The following SMAD2 variants were observed in gnomAD, a reference collection of about 807,000 sequenced individuals.
SMAD2 encodes SMAD family member 2, also known as MAD homolog 2.
SMAD2 carries 8 observed loss-of-function variants against 64.4 expected under a neutral mutation model. The ratio of observed to expected loss-of-function variants is 0.12; its 90% CI spans 0.07 to 0.22. The LOEUF (loss-of-function observed/expected upper bound fraction) is 0.22, where lower values mean the gene tolerates loss of function less well. SMAD2 is among the 10% of genes least tolerant of loss of function. The pLI is 1.00. For synonymous variants in SMAD2, 203 were observed against 195.8 expected, an observed-to-expected ratio of 1.04 and a Z score of -0.31; for missense variants, 289 against 561.2, an observed-to-expected ratio of 0.51 and a Z score of 4.90.
rs1324866548 is a variant in SMAD2, at chr18:47,862,261, T to G, written c.730+2798A>C. Among the ~76,000 whole-genome samples, 3 of 152,248 alleles carry G rather than the reference T, an allele frequency of 2.0e-5. No homozygotes were observed. The South Asian group carries it at 6.2e-4, about 31-fold the overall frequency. Reference sequence around the variant, plus strand: ...ATATTAGTAGGATACTCTCAAAATCTTAATACTCACTGTATTAGCTTCCTA... The same window carrying G: ...ATATTAGTAGGATACTCTCAAAATCGTAATACTCACTGTATTAGCTTCCTA... On this transcript the variant is annotated intron_variant, in intron 6 of 10. Transcript: ENST00000262160.
Position 47,837,900 on chromosome 18 carries a change from G to A in SMAD2, c.*3927C>T, listed in dbSNP as rs1056405029. 2 of 232,618 alleles carry A rather than the reference G, an allele frequency of 8.6e-6. No individual in the cohort carries two copies. The highest frequency in any genetic ancestry group is 1.7e-5 in the Non-Finnish European group (2 of 117,524). 14.4% of individuals were successfully genotyped at this position (232,618 alleles called of 1,614,324 possible). A position where few individuals can be genotyped will look rare whatever the true frequency, so the allele number is the denominator to read the frequency against. ...CATGAAGACATATTTTATGTACAGT[G>A]AAGATTGTCTTGTGTTACTTTATAT... On this transcript the variant is annotated 3_prime_UTR_variant, in exon 11 of 11. Coordinates refer to ENST00000262160, the MANE Select transcript of SMAD2 (RefSeq NM_005901.6).
intron 2 of SMAD2, among the ~76,000 whole-genome samples, chr18:47,885,293 A>G (rs1008448176): frequency 4.6e-5 from 7 of 151,898 alleles, no homozygotes; most frequent in African/African-American, 1.7e-4. Context: ...CTCATGCCTC[A>G]GCCTCTCAGA....
At chr18:47,895,147 A>T (rs1015068516) in intron 2 of SMAD2, 7 of 152,232 alleles carry the variant, frequency 4.6e-5, no homozygotes, top group Admixed American at 4.6e-4. Flanking sequence ...GCATCCTGTT[A>T]TATTCAGACT....
At chr18:47,868,028 C>G (rs2031693045) in intron 5 of SMAD2, among the ~76,000 whole-genome samples, 1 of 152,154 alleles carries the variant, frequency 6.6e-6, no homozygotes. Context: ...TCTCGCTTAG[C>G]TTCAACAACT....
intron 2 of SMAD2, among the ~76,000 whole-genome samples, chr18:47,871,957 A>AC (rs2031959211): frequency 1.3e-5 from 2 of 152,222 alleles, no homozygotes; most frequent in Non-Finnish European, 2.9e-5. Context: ...ACAAGAGGCT[A>AC]TTCTGCTCTG....
In SMAD2 at chr18:47,848,486, C is replaced by T. The variant is rs2144299392; in HGVS notation, c.986G>A (p.Arg329Lys). The change falls in exon 8 of 11, where the codon AGA becomes AAA. Residue 329 changes from arginine to lysine, a missense_variant. By Grantham distance (26) the Arg-to-Lys change is conservative. Transcript: ENST00000262160. ...AAAATAAAACATACCTATATGCCTT[C>T]TTGTCATTTCTACCGTGGCATTTCG... Reference protein sequence around the residue: ...VNRNATVEMTRRHIGRGVRLY... With the variant: ...VNRNATVEMTKRHIGRGVRLY... 6.2e-7 allele frequency: 1 copy of T among 1,611,194 alleles called. No individual in the cohort carries two copies. Among genetic ancestry groups the T allele is most frequent in the Non-Finnish European group, 8.5e-7 (1 of 1,177,342 alleles).
intron 6 of SMAD2, among the ~76,000 whole-genome samples, chr18:47,856,209 G>A (rs1452030143): frequency 6.6e-6 from 1 of 152,020 alleles, no homozygotes; most frequent in Admixed American, 6.5e-5. Flanking sequence ...GGGGAAAATA[G>A]GGAGATTATA....
rs11421965 is a variant in SMAD2 at position 47,829,631 on chromosome 18, T to TA, written c.*12195_*12196insT. ...GGGGTTTATTTAATTATAGGGGGGT[T>TA]GGGGTAGAGAGATTAAAAACGGGAA... On this transcript the variant is annotated 3_prime_UTR_variant, in exon 11 of 11. Coordinates refer to ENST00000262160, the MANE Select transcript of SMAD2 (RefSeq NM_005901.6). 0.98 allele frequency: 148,855 copies of TA among 152,280 alleles called. 72,843 individuals carry two copies. The highest frequency in any genetic ancestry group is 1 in the East Asian group (5,192 of 5,192). 9.4% of individuals were successfully genotyped at this position (152,280 alleles called of 1,614,324 possible). A position where few individuals can be genotyped will look rare whatever the true frequency, so the allele number is the denominator to read the frequency against.
At chr18:47,928,466 G>C (rs1183554263) in intron 1 of SMAD2, among the ~76,000 whole-genome samples, 2 of 152,138 alleles carry the variant, frequency 1.3e-5, no homozygotes, top group African/African-American at 4.8e-5. Flanking sequence ...ACAACCTCTG[G>C]CCATCTTGAA....
rs1428311512 is a variant in SMAD2, at chr18:47,838,867, G to T, written c.*2960C>A. ...ATGTGATAGAAAGCATGGCCATTCG[G>T]TTCTCAGGTCATCATTCCTAGAAAA... On this transcript the variant is annotated 3_prime_UTR_variant, in exon 11 of 11. Coordinates refer to ENST00000262160, the MANE Select transcript of SMAD2 (RefSeq NM_005901.6). 6.0e-5 allele frequency: 14 copies of T among 232,832 alleles called. 1 individual carries two copies. The Admixed American group carries it at 7.9e-4, about 13-fold the overall frequency. 14.4% of individuals were successfully genotyped at this position (232,832 alleles called of 1,614,324 possible).
chr18:47,900,807 A>G (rs907772927), intron 1 of SMAD2, among the ~76,000 whole-genome samples: 4 of 152,164 alleles, frequency 2.6e-5, no homozygotes, highest in African/African-American at 4.8e-5. Context: ...AGTTTAAAAT[A>G]TTTTCTAATA....
At chr18:47,858,724 A>G (rs75805551) in intron 6 of SMAD2, among the ~76,000 whole-genome samples, 3,575 of 152,290 alleles carry the variant, frequency 0.023, 149 homozygotes, top group African/African-American at 0.082. Flanking sequence ...TAGGTATAAC[A>G]TAAGTACAAT....
intron 1 of SMAD2, among the ~76,000 whole-genome samples, chr18:47,928,713 T>G (rs1573363): frequency 0.55 from 84,050 of 152,030 alleles, 23,720 homozygotes; most frequent in East Asian, 0.86. Context: ...CCCAAACTTT[T>G]GTTGAACACC....
chr18:47,878,749 C>T (rs1014884421), intron 2 of SMAD2, among the ~76,000 whole-genome samples: 1 of 152,190 alleles, frequency 6.6e-6, no homozygotes, highest in Non-Finnish European at 1.5e-5. Context: ...AACAAGCTTT[C>T]CATCTTCTCC....
chr18:47,867,522 T>C (rs938936922), intron 5 of SMAD2, among the ~76,000 whole-genome samples: 1 of 151,882 alleles, frequency 6.6e-6, no homozygotes, highest in Non-Finnish European at 1.5e-5. Context: ...AAAAGAATAT[T>C]ACAAAAGGAA....
chr18:47,874,973 T>C (rs548385101), intron 2 of SMAD2, among the ~76,000 whole-genome samples: 110 of 152,256 alleles, frequency 7.2e-4, no homozygotes, highest in Middle Eastern at 3.4e-3. Context: ...TAAAAAGATA[T>C]GGTTCTAAAA....
Position 47,821,811 on chromosome 18 carries a change from T to C in SMAD2, c.*20016A>G, listed in dbSNP as rs568949144. Reference sequence around the variant, plus strand: ...GCTTTGAAAAGATGGTTTTTAAATGTATGTAACTTTCTGCATTGCTTCTTA... The same window carrying C: ...GCTTTGAAAAGATGGTTTTTAAATGCATGTAACTTTCTGCATTGCTTCTTA... On this transcript the variant is annotated 3_prime_UTR_variant, in exon 11 of 11. Coordinates refer to ENST00000262160, the MANE Select transcript of SMAD2 (RefSeq NM_005901.6). 7.9e-5 allele frequency: 12 copies of C among 152,330 alleles called. No individual in the cohort carries two copies. Among genetic ancestry groups the C allele is most frequent in the Non-Finnish European group, 1.8e-4 (12 of 68,020 alleles). 9.4% of individuals were successfully genotyped at this position (152,330 alleles called of 1,614,324 possible). A position where few individuals can be genotyped will look rare whatever the true frequency, so the allele number is the denominator to read the frequency against.
At position 47,837,426 on chromosome 18, in the gene SMAD2, G is replaced by A. The variant is rs1913515436; in HGVS notation, c.*4401C>T. On this transcript the variant is annotated 3_prime_UTR_variant, in exon 11 of 11. Transcript: ENST00000262160. ...AAATACAAAAAATTAGCCGAGTGTG[G>A]TGGTGGGCGCCTGTAGTCCCAGCTA... 5.0e-6 allele frequency: 1 copy of A among 198,918 alleles called. No individual in the cohort carries two copies. The highest frequency in any genetic ancestry group is 1.0e-5 in the Non-Finnish European group (1 of 96,492). 12.3% of individuals were successfully genotyped at this position (198,918 alleles called of 1,614,324 possible). A position where few individuals can be genotyped will look rare whatever the true frequency, so the allele number is the denominator to read the frequency against.
Position 47,839,693 on chromosome 18 carries a change from T to A in SMAD2, c.*2134A>T, listed in dbSNP as rs1346605303. 2 of 233,288 alleles carry A rather than the reference T, an allele frequency of 8.6e-6. No individual in the cohort carries two copies. The highest frequency in any genetic ancestry group is 1.7e-5 in the Non-Finnish European group (2 of 118,058). The allele number at this position is 233,288 out of a possible 1,614,324, so 14.5% of individuals were successfully genotyped here. A position where few individuals can be genotyped will look rare whatever the true frequency, so the allele number is the denominator to read the frequency against. ...GTTATGAACTGTAGAACCATTCTGATCTTCAAGTTTGGATTTGTATAGAGG... is the reference window on the plus strand; with the variant it reads ...GTTATGAACTGTAGAACCATTCTGAACTTCAAGTTTGGATTTGTATAGAGG... On this transcript the variant is annotated 3_prime_UTR_variant, in exon 11 of 11. Transcript: ENST00000262160.
Sources: gnomAD v4.1 joint callset for allele counts (sites outside exome capture counted in the v4.1 genomes callset) on GRCh38, gnomAD v4.1.1 for gene constraint, MANE v1.5 for transcripts, NCBI Gene and HGNC (gene_info 2026-07-23, HGNC 2026-07-21) for gene names.